TC2N: variants seen among roughly 807,000 people sequenced by gnomAD.
TC2N encodes the protein tandem C2 domains, nuclear, also known as tandem C2 domains nuclear protein.
Under a neutral mutation model 61.9 loss-of-function variants are expected in TC2N, and 51 were observed. The observed-to-expected ratio is 0.82, with a 90% CI of 0.66 to 1.04. The LOEUF (loss-of-function observed/expected upper bound fraction) is 1.04. Among genes scored for constraint, TC2N ranks in the 50% least tolerant of loss-of-function variants. TC2N has a pLI of 0.00. For synonymous variants in TC2N, 204 were observed against 192.6 expected (o/e 1.06, Z -0.49); for missense variants, 556 against 566.7 (o/e 0.98, Z 0.19).
At chr14:91,815,904 A>G (rs987179171) in intron 1 of TC2N, among the ~76,000 whole-genome samples, 2 of 151,716 alleles carry the variant, frequency 1.3e-5, no homozygotes, top group Non-Finnish European at 1.5e-5. Context: ...CATTTCTAAA[A>G]TGTTGCTCTT....
chr14:91,849,831 G>A (rs1013786266), intron 1 of TC2N, among the ~76,000 whole-genome samples: 12 of 152,026 alleles, frequency 7.9e-5, no homozygotes, highest in Non-Finnish European at 1.3e-4. Context: ...GTGGATCACC[G>A]GAGGTCAGGA....
intron 1 of TC2N, chr14:91,866,231 A>T (rs1428620210): frequency 6.6e-6 from 1 of 152,160 alleles, no homozygotes; most frequent in African/African-American, 2.4e-5. Flanking sequence ...ATGCGTTGAA[A>T]CCACTGAAAA....
chr14:91,792,571 A>G lies in TC2N; in HGVS notation c.856-13T>C. 8.9e-6 allele frequency: 12 copies of G among 1,348,060 alleles called. No individual in the cohort carries two copies. Among genetic ancestry groups the G allele is most frequent in the Non-Finnish European group, 1.1e-5 (11 of 986,252 alleles). The allele number at this position is 1,348,060 out of a possible 1,614,324, so 83.5% of individuals were successfully genotyped here. A position where few individuals can be genotyped will look rare whatever the true frequency, so the allele number is the denominator to read the frequency against. Reference sequence around the variant, plus strand: ...TAAATTCAATAGCCTTAAAAAAAAAACAAGAAAACATAAAATATATAAATA... The same window carrying G: ...TAAATTCAATAGCCTTAAAAAAAAAGCAAGAAAACATAAAATATATAAATA... On this transcript the variant is annotated splice_polypyrimidine_tract_variant and intron_variant, in intron 8 of 11. Coordinates refer to ENST00000435962, the MANE Select transcript of TC2N (RefSeq NM_001128596.3).
At chr14:91,794,420 G>A (rs1011123510) in intron 8 of TC2N, among the ~76,000 whole-genome samples, 4 of 152,300 alleles carry the variant, frequency 2.6e-5, no homozygotes, top group Non-Finnish European at 4.4e-5. Flanking sequence ...GTCAATGCCT[G>A]ACTTCAAGGC....
intron 4 of TC2N, among the ~76,000 whole-genome samples, 195 bp downstream of exon 4, chr14:91,802,059 C>G (rs529177741): frequency 6.6e-6 from 1 of 152,170 alleles, no homozygotes; most frequent in African/African-American, 2.4e-5. Flanking sequence ...ACAGATATAA[C>G]TCATTAATCT....
chr14:91,854,396 T>TGAG (rs1266755945), intron 1 of TC2N, among the ~76,000 whole-genome samples: 133 of 112,232 alleles, frequency 1.2e-3, no homozygotes, highest in African/African-American at 3.6e-3. Flanking sequence ...ACACATAAGA[T>TGAG]GAGGAGGAGG....
At chr14:91,855,741 T>C (rs1046845497) in intron 1 of TC2N, among the ~76,000 whole-genome samples, 3 of 152,354 alleles carry the variant, frequency 2.0e-5, no homozygotes, top group Middle Eastern at 6.8e-3. Flanking sequence ...TAGAATCTCA[T>C]GTCAGGGCCA....
chr14:91,786,964 AC>A (rs1885395312), intron 10 of TC2N, among the ~76,000 whole-genome samples: 2 of 152,082 alleles, frequency 1.3e-5, no homozygotes, highest in Non-Finnish European at 2.9e-5. Context: ...CTTTCTAGTT[AC>A]GGTGAACATG....
chr14:91,840,710 A>G (rs544303016), intron 1 of TC2N, among the ~76,000 whole-genome samples: 4 of 152,322 alleles, frequency 2.6e-5, no homozygotes, highest in East Asian at 3.9e-4. Flanking sequence ...ATAGCTTACT[A>G]AGGAATTTGT....
intron 10 of TC2N, 78 bp from the exon 11 acceptor site, chr14:91,785,439 G>A (rs1885319580): frequency 9.4e-6 from 9 of 961,718 alleles, no homozygotes; most frequent in African/African-American, 6.7e-5. Flanking sequence ...CATCCAAGTT[G>A]GAATATATAT....
intron 1 of TC2N, among the ~76,000 whole-genome samples, chr14:91,818,396 T>C (rs1246409401): frequency 6.6e-6 from 1 of 152,100 alleles, no homozygotes; most frequent in East Asian, 1.9e-4. Flanking sequence ...CAAATCAGAC[T>C]GGAAAAGGGA....
rs372859438 is a variant in TC2N at position 91,812,490 on chromosome 14, G to A, written c.123C>T (p.Ile41=). The A allele has an allele frequency of 2.5e-6, 4 of 1,609,842 alleles. No individual in the cohort carries two copies. The East Asian group carries it at 8.9e-5, about 36-fold the overall frequency. Reference sequence around the variant, plus strand: ...AAACAGAAGTCAATGGAGGTACAGAGATAGTAGCATTTTGACTATTTGGGA... The same window carrying A: ...AAACAGAAGTCAATGGAGGTACAGAAATAGTAGCATTTTGACTATTTGGGA... ...AAVPNSQNAT[I]SVPPLTSVSV... Residue 41 remains isoleucine, a synonymous_variant, in exon 3 of 12, where the codon ATC becomes ATT. Transcript: ENST00000435962.
intron 1 of TC2N, among the ~76,000 whole-genome samples, chr14:91,823,597 G>T (rs1013534599): frequency 6.6e-6 from 1 of 151,182 alleles, no homozygotes; most frequent in Non-Finnish European, 1.5e-5. Flanking sequence ...AATGAGTCAA[G>T]CAACTAGATA....
chr14:91,846,514 C>T (rs566046945), intron 1 of TC2N, among the ~76,000 whole-genome samples: 4 of 152,246 alleles, frequency 2.6e-5, no homozygotes, highest in African/African-American at 7.2e-5. Flanking sequence ...GCCACAGCAA[C>T]GAAACTCTAA....
At chr14:91,843,331 A>G (rs1330829470) in intron 1 of TC2N, among the ~76,000 whole-genome samples, 1 of 152,070 alleles carries the variant, frequency 6.6e-6, no homozygotes, top group Non-Finnish European at 1.5e-5. Flanking sequence ...TAACCCCATC[A>G]TGACCCCAGA....
Position 91,781,999 on chromosome 14 carries a change from A to T in TC2N, c.*1101T>A, listed in dbSNP as rs1011817457. ...GGAAGACTGAGAACACAGAGCACTT[A>T]GTCTACTTATTAGCAAAAATAAAGT... is the stretch of plus-strand genomic sequence containing the variant. On this transcript the variant is annotated 3_prime_UTR_variant, in exon 12 of 12. Transcript: ENST00000435962. 6.6e-6 allele frequency: 1 copy of T among 152,186 alleles called. No individual in the cohort carries two copies. The highest frequency in any genetic ancestry group is 1.9e-4 in the East Asian group (1 of 5,182). The allele number at this position is 152,186 out of a possible 1,614,324, so 9.4% of individuals were successfully genotyped here. A position where few individuals can be genotyped will look rare whatever the true frequency, so the allele number is the denominator to read the frequency against.
intron 3 of TC2N, 44 bp from the exon 4 acceptor site, chr14:91,802,465 G>C: frequency 6.3e-7 from 1 of 1,586,796 alleles, no homozygotes; most frequent in South Asian, 1.2e-5. Flanking sequence ...CCTTTTCTTG[G>C]AGTTATTAGC....
intron 1 of TC2N, among the ~76,000 whole-genome samples, chr14:91,821,023 T>C (rs1275375216): frequency 1.3e-5 from 2 of 152,022 alleles, no homozygotes; most frequent in Admixed American, 1.3e-4. Flanking sequence ...ATGGTAATAT[T>C]ATTAATATTG....
intron 1 of TC2N, among the ~76,000 whole-genome samples, chr14:91,835,815 G>C (rs2139902404): frequency 6.6e-6 from 1 of 152,342 alleles, no homozygotes; most frequent in Admixed American, 6.5e-5. Context: ...GCCAGGGAAA[G>C]GAAATTCGCT....
Sources: allele counts gnomAD v4.1 joint callset (sites outside exome capture counted in the v4.1 genomes callset), GRCh38; gene constraint gnomAD v4.1.1; transcripts MANE v1.5; gene names NCBI Gene and HGNC (gene_info 2026-07-23, HGNC 2026-07-21).